The following CCDC171 variants were observed in gnomAD, a reference collection of about 807,000 sequenced individuals.
CCDC171 encodes coiled-coil domain containing 171, also known as coiled-coil domain-containing protein 171.
A neutral mutation model predicts 168.2 loss-of-function variants in CCDC171; 177 were observed. The ratio of observed to expected loss-of-function variants is 1.05; its 90% confidence interval spans 0.93 to 1.19. The LOEUF is 1.19. Among genes scored for constraint, CCDC171 ranks in the 50% most tolerant of loss-of-function variants. CCDC171 has a pLI of 0.00. For synonymous variants in CCDC171, 687 were observed against 540.8 expected (o/e 1.27, Z -3.75); for missense variants, 1,991 against 1,539.0 (o/e 1.29, Z -4.91).
intron 3 of CCDC171, among the ~76,000 whole-genome samples, chr9:16,011,299 C>G (rs1369321988): frequency 1.3e-5 from 2 of 152,156 alleles, no homozygotes; most frequent in Non-Finnish European, 2.9e-5. Flanking sequence ...ATCACCTATT[C>G]TATCCTGTTT....
intron 7 of CCDC171, among the ~76,000 whole-genome samples, chr9:16,035,872 G>A (rs147068972): frequency 1.3e-5 from 2 of 152,242 alleles, no homozygotes; most frequent in South Asian, 2.1e-4. Flanking sequence ...AAATTCTACC[G>A]CTATGCAGAA....
In CCDC171 at chr9:15,616,998, C is replaced by A. The variant is rs186951712; in HGVS notation, c.676-6269C>A. 2.4e-3 allele frequency among the ~76,000 whole-genome samples: 369 copies of A among 152,250 alleles called. 1 individual carries two copies. The highest frequency in any genetic ancestry group is 8.5e-3 in the African/African-American group (354 of 41,554). On this transcript the variant is annotated intron_variant, in intron 6 of 25. Coordinates refer to ENST00000380701, the MANE Select transcript of CCDC171 (RefSeq NM_173550.4). ...TTCTGGGGAGGCCTCAGGAAGCTTA[C>A]AATAATGGTGGAAGGCAAAGGGGGA...
chr9:15,745,954 T>C (rs1331596343), intron 18 of CCDC171, among the ~76,000 whole-genome samples: 1 of 152,190 alleles, frequency 6.6e-6, no homozygotes, highest in Admixed American at 6.5e-5. Context: ...TTTGGCCTTA[T>C]TTCACTTCTA....
At chr9:15,728,975 G>C (rs965688443) in intron 15 of CCDC171, among the ~76,000 whole-genome samples, 1 of 152,100 alleles carries the variant, frequency 6.6e-6, no homozygotes, top group East Asian at 1.9e-4. Flanking sequence ...CTGAGAAGTA[G>C]GGCTAGGAAA....
intron 6 of CCDC171, among the ~76,000 whole-genome samples, chr9:15,598,424 A>G (rs1175632949): frequency 6.6e-6 from 1 of 151,932 alleles, no homozygotes; most frequent in East Asian, 1.9e-4. Context: ...GTCATTCAGG[A>G]GTAGGTTGTT....
At chr9:15,971,351 A>G (rs867646827) in intron 25 of CCDC171, among the ~76,000 whole-genome samples, 1 of 152,186 alleles carries the variant, frequency 6.6e-6, no homozygotes, top group African/African-American at 2.4e-5. Flanking sequence ...AACTTTATAA[A>G]AAGTTTTACA....
intron 3 of CCDC171, among the ~76,000 whole-genome samples, chr9:15,982,333 G>C (rs1403166817): frequency 1.3e-5 from 2 of 152,182 alleles, no homozygotes; most frequent in African/African-American, 4.8e-5. Flanking sequence ...CCTTAGGCAA[G>C]TTATTTAACC....
chr9:15,831,511 T>C (rs2060233195), intron 21 of CCDC171, among the ~76,000 whole-genome samples: 1 of 152,228 alleles, frequency 6.6e-6, no homozygotes, highest in South Asian at 2.1e-4. Flanking sequence ...GTAATTATAC[T>C]AATAAACATC....
At chr9:15,647,550 A>G (rs1333860890) in intron 7 of CCDC171, among the ~76,000 whole-genome samples, 1 of 152,196 alleles carries the variant, frequency 6.6e-6, no homozygotes, top group Admixed American at 6.5e-5. Flanking sequence ...CACAATAAAA[A>G]ATGATAAAGG....
chr9:15,587,095 G>A (rs1249015451), intron 4 of CCDC171, among the ~76,000 whole-genome samples: 2 of 152,144 alleles, frequency 1.3e-5, no homozygotes, highest in African/African-American at 4.8e-5. Flanking sequence ...TTACACGTGT[G>A]AGCCACCATG....
intron 18 of CCDC171, among the ~76,000 whole-genome samples, chr9:15,764,099 A>AG (rs1229616770): frequency 6.6e-5 from 10 of 152,196 alleles, no homozygotes; most frequent in African/African-American, 2.4e-4. Flanking sequence ...AGGAATGGCA[A>AG]GGAGGCCCAA....
At chr9:15,854,994 C>A (rs185554355) in intron 23 of CCDC171, among the ~76,000 whole-genome samples, 1 of 151,598 alleles carries the variant, frequency 6.6e-6, no homozygotes, top group Admixed American at 6.6e-5. Context: ...GTTGTATGCT[C>A]CAATATATGG....
At chr9:15,728,467 A>G (rs2053955702) in intron 15 of CCDC171, among the ~76,000 whole-genome samples, 1 of 152,184 alleles carries the variant, frequency 6.6e-6, no homozygotes, top group Non-Finnish European at 1.5e-5. Flanking sequence ...ATAAGGTGTT[A>G]TTTTTAAAAG....
chr9:15,822,214 T>C (rs2059805880), intron 21 of CCDC171, among the ~76,000 whole-genome samples: 1 of 151,998 alleles, frequency 6.6e-6, no homozygotes, highest in African/African-American at 2.4e-5. Flanking sequence ...ATGTCAGACC[T>C]AAAACCATAA....
chr9:15,616,042 C>T (rs1037314006), intron 6 of CCDC171, among the ~76,000 whole-genome samples: 4 of 152,118 alleles, frequency 2.6e-5, no homozygotes, highest in African/African-American at 9.7e-5. Flanking sequence ...CCTCCACCTC[C>T]TGGGTTCAAG....
intron 7 of CCDC171, among the ~76,000 whole-genome samples, chr9:15,632,075 GC>G (rs1351519378): frequency 3.9e-5 from 6 of 152,148 alleles, no homozygotes; most frequent in Non-Finnish European, 5.9e-5. Flanking sequence ...TACTAAATGG[GC>G]AAAAACTGGA....
In CCDC171 at chr9:15,577,608, G is replaced by T. The variant is rs79346861; in HGVS notation, c.178-1241G>T. ...CTGATACCAAGAGCAATATTACTGG[G>T]TGTTTAGTTAGGAAAACAGAAACCA... On this transcript the variant is annotated intron_variant, in intron 3 of 25. Transcript: ENST00000380701. 1.1e-4 allele frequency among the ~76,000 whole-genome samples: 17 copies of T among 152,266 alleles called. No homozygotes were observed. The East Asian group carries it at 3.3e-3, about 29-fold the overall frequency.
chr9:15,863,330 C>T lies in CCDC171; in HGVS notation c.3469-11202C>T, dbSNP rs138038095. Among the ~76,000 whole-genome samples, 171 of 152,028 alleles carry T rather than the reference C, an allele frequency of 1.1e-3. 1 individual carries two copies. The highest frequency in any genetic ancestry group is 3.4e-3 in the Middle Eastern group (1 of 294). On this transcript the variant is annotated intron_variant, in intron 23 of 25. Coordinates refer to ENST00000380701, the MANE Select transcript of CCDC171 (RefSeq NM_173550.4). ...TTTCTTGTTGCCCAGGTTGCAGGAG[C>T]CTCTCAGCTACTTTCTTGAATTTCC...
intron 25 of CCDC171, among the ~76,000 whole-genome samples, chr9:15,926,380 G>T (rs1825895161): frequency 6.6e-6 from 1 of 151,638 alleles, no homozygotes; most frequent in African/African-American, 2.4e-5. Flanking sequence ...AAGACTGCTT[G>T]CAATAGTCAT....
Sources: gnomAD v4.1 joint callset for allele counts (sites outside exome capture counted in the v4.1 genomes callset) on GRCh38, gnomAD v4.1.1 for gene constraint, MANE v1.5 for transcripts, NCBI Gene and HGNC (gene_info 2026-07-23, HGNC 2026-07-21) for gene names.